Variants in DPPA4 observed in about 807,000 individuals in gnomAD.
The protein encoded by DPPA4 is developmental pluripotency associated 4.
DPPA4 carries 22 observed loss-of-function variants against 33.7 expected under a neutral mutation model. That is an observed-to-expected ratio of 0.65 (90% CI 0.47 to 0.93). The LOEUF (loss-of-function observed/expected upper bound fraction) is 0.93. DPPA4 is among the 40% of genes least tolerant of loss of function. The pLI is 0.00. For missense variants in DPPA4, 340 were observed against 358.6 expected, an observed-to-expected ratio of 0.95 and a Z score of 0.42; for synonymous variants, 156 against 132.3, an observed-to-expected ratio of 1.18 and a Z score of -1.23.
chr3:109,328,286 T>G (rs981837256), intron 6 of DPPA4, among the ~76,000 whole-genome samples: 1 of 152,118 alleles, frequency 6.6e-6, no homozygotes, highest in African/African-American at 2.4e-5. Context: ...CCTAAGTATG[T>G]CATTAAAGGA....
intron 1 of DPPA4, among the ~76,000 whole-genome samples, chr3:109,334,248 T>G (rs1358770755): frequency 6.6e-6 from 1 of 152,190 alleles, no homozygotes; most frequent in Non-Finnish European, 1.5e-5. Flanking sequence ...AGAAAACAGC[T>G]CTGCCTTGAG....
Position 109,331,904 on chromosome 3 carries a change from C to T in DPPA4, c.306G>A (p.Trp102Ter). 3 of 1,614,106 alleles carry T rather than the reference C, an allele frequency of 1.9e-6. No individual in the cohort carries two copies. Among genetic ancestry groups the T allele is most frequent in the South Asian group, 1.1e-5 (1 of 91,082 alleles). ...TGGAGCTCAGCTTCAATTGTTGGCA[C>T]CAGGCCCGCAGAATGTCCCGGTGAA... ...NLIHRDILRA[W>*]CQQLKLSSKG... The change falls in exon 3 of 7, where the codon TGG becomes TGA. Residue 102 changes from tryptophan to a stop codon, truncating the protein, a stop_gained. Transcript: ENST00000335658. LOFTEE classifies it high-confidence loss of function.
Position 109,327,942 on chromosome 3 carries a change from CT to C in DPPA4, c.*45del. ...AGCACCGCAGAATCCAACTCTCCAG[CT>C]TTTCTGCCATTAATTACCATAGATG... On this transcript the variant is annotated 3_prime_UTR_variant, in exon 7 of 7. Coordinates refer to ENST00000335658, the MANE Select transcript of DPPA4 (RefSeq NM_018189.4). 2 of 1,404,478 alleles carry C rather than the reference CT, an allele frequency of 1.4e-6. No homozygotes were observed. The highest frequency in any genetic ancestry group is 2.0e-6 in the Non-Finnish European group (2 of 993,298). The allele number at this position is 1,404,478 out of a possible 1,614,324, so 87.0% of individuals were successfully genotyped here.
intron 1 of DPPA4, among the ~76,000 whole-genome samples, chr3:109,335,157 ATATT>A (rs1708165691): frequency 1.3e-5 from 2 of 152,126 alleles, no homozygotes; most frequent in Non-Finnish European, 2.9e-5. Context: ...TTTTTAAAAA[ATATT>A]TATTTATTAA....
At chr3:109,333,592 T>C (rs1482854836) in intron 2 of DPPA4, 1 of 241,646 alleles carries the variant, frequency 4.1e-6, no homozygotes, top group African/African-American at 2.3e-5. Context: ...CCCAAATCAT[T>C]GCACACTGAA....
Position 109,328,921 on chromosome 3 carries a change from C to T in DPPA4, c.847G>A (p.Asp283Asn), listed in dbSNP as rs1707993542. 1.2e-6 allele frequency: 2 copies of T among 1,613,912 alleles called. No individual in the cohort carries two copies. The highest frequency in any genetic ancestry group is 1.7e-6 in the Non-Finnish European group (2 of 1,179,962). Residue 283 changes from aspartate (D) to asparagine (N), a missense_variant, in exon 6 of 7, where the codon GAC (aspartate) becomes AAC (asparagine). Coordinates refer to ENST00000335658, the MANE Select transcript of DPPA4 (RefSeq NM_018189.4). ...ASNFPPPHLE[D>N]NMLCPKCVHR... Reference sequence around the variant, plus strand: ...ACACATTTGGGGCACAACATATTGTCTTCAAGGTGCGGGGGTGGAAAATTG... The same window carrying T: ...ACACATTTGGGGCACAACATATTGTTTTCAAGGTGCGGGGGTGGAAAATTG...
Position 109,328,021 on chromosome 3 carries a change from G to A in DPPA4, c.882C>T (p.Asn294=), listed in dbSNP as rs1228263925. Residue 294 remains asparagine (N), a synonymous_variant, in exon 7 of 7, where the codon AAC becomes AAT. Coordinates refer to ENST00000335658, the MANE Select transcript of DPPA4 (RefSeq NM_018189.4). ...ATTGGAGGCTTTTTATTAAGACCTT[G>A]TTCCTATAAAGCAAATAAAGTATTT... is the stretch of plus-strand genomic sequence containing the variant. ...NMLCPKCVHR[N]KVLIKSLQWE The A allele has an allele frequency of 6.6e-7, 1 of 1,523,662 alleles. No homozygotes were observed. The highest frequency in any genetic ancestry group is 9.1e-7 in the Non-Finnish European group (1 of 1,098,974). The allele number at this position is 1,523,662 out of a possible 1,614,324, so 94.4% of individuals were successfully genotyped here.
chr3:109,336,129 G>A (rs1211708204), intron 1 of DPPA4, among the ~76,000 whole-genome samples: 1 of 151,432 alleles, frequency 6.6e-6, no homozygotes, highest in African/African-American at 2.4e-5. Context: ...ACCACTCTGG[G>A]CGACAGAGTC....
Position 109,330,810 on chromosome 3 carries a change from ATCCT to A in DPPA4, c.391-2_392del, listed in dbSNP as rs1166346936. 6.3e-7 allele frequency: 1 copy of A among 1,597,768 alleles called. No homozygotes were observed. The highest frequency in any genetic ancestry group is 1.8e-5 in the Admixed American group (1 of 56,102). On this transcript the variant is annotated splice_acceptor_variant and coding_sequence_variant, in exon 5 of 7. Coordinates refer to ENST00000335658, the MANE Select transcript of DPPA4 (RefSeq NM_018189.4). LOFTEE classifies it high-confidence loss of function. ...TGGCCTCTTTTGCTGTGCTAGGAAAATCCTACAAAAAGGGTTAAATAATAAAGAT... is the reference window on the plus strand; with the variant it reads ...TGGCCTCTTTTGCTGTGCTAGGAAAAACAAAAAGGGTTAAATAATAAAGAT...
At chr3:109,338,115 G>T (rs956655586), upstream of DPPA4, among the ~76,000 whole-genome samples, 6 of 148,328 alleles carry the variant, frequency 4.0e-5, no homozygotes, top group Admixed American at 6.7e-5. Context: ...GAGGGCAAGT[G>T]GGGGGGTCTG....
intron 1 of DPPA4, among the ~76,000 whole-genome samples, chr3:109,335,920 AG>A (rs1708185495): frequency 6.6e-6 from 1 of 151,566 alleles, no homozygotes; most frequent in South Asian, 2.1e-4. Flanking sequence ...TGGGAGGCCG[AG>A]GTGGGCTGAC....
upstream of DPPA4, among the ~76,000 whole-genome samples, chr3:109,339,065 C>T (rs549103215): frequency 1.1e-4 from 17 of 151,778 alleles, no homozygotes; most frequent in African/African-American, 3.9e-4. Context: ...ATGGTGCGTG[C>T]CTGTAATCCC....
At chr3:109,329,471 CTTGCAGTGAGCCAAGA>C (rs1363381188) in intron 5 of DPPA4, 2 of 192,546 alleles carry the variant, frequency 1.0e-5, no homozygotes, top group African/African-American at 4.6e-5. Flanking sequence ...GGAGGCGGTG[CTTGCAGTGAGCCAAGA>C]TTGCACCACT....
At chr3:109,331,695 T>C in intron 4 of DPPA4, 39 bp downstream of exon 4, 1 of 1,600,456 alleles carries the variant, frequency 6.2e-7, no homozygotes, top group Non-Finnish European at 8.6e-7. Flanking sequence ...AATAGGTAAT[T>C]AGGATAAGCA....
At chr3:109,329,833 G>A (rs1708021588) in intron 5 of DPPA4, 2 of 152,226 alleles carry the variant, frequency 1.3e-5, no homozygotes, top group Non-Finnish European at 2.9e-5. Context: ...GCCATTCTGG[G>A]GCTCAGTTGC....
chr3:109,335,638 C>T lies in DPPA4; in HGVS notation c.55-1645G>A, dbSNP rs549397285. Among the ~76,000 whole-genome samples, 7 of 151,908 alleles carry T rather than the reference C, an allele frequency of 4.6e-5. No homozygotes were observed. The South Asian group carries it at 1.3e-3, about 27-fold the overall frequency. On this transcript the variant is annotated intron_variant, in intron 1 of 6. Coordinates refer to ENST00000335658, the MANE Select transcript of DPPA4 (RefSeq NM_018189.4). ...GAGATGGGGGTTTCACCATGTTGGC[C>T]AGGCTGGTCTCAAACTCCTGGCCTC...
At chr3:109,330,475 A>G (rs1165286648) in intron 5 of DPPA4, 49 bp downstream of exon 5, 6 of 1,601,120 alleles carry the variant, frequency 3.7e-6, no homozygotes, top group Non-Finnish European at 5.1e-6. Context: ...AATATCTACT[A>G]AGCTTATTTC....
chr3:109,331,830 C>T (rs373678901), intron 3 of DPPA4, 41 bp downstream of exon 3: 548 of 1,613,432 alleles, frequency 3.4e-4, no homozygotes, highest in Non-Finnish European at 4.3e-4. Context: ...AAGGTTCCTA[C>T]CCTTCCTCCC....
Position 109,326,665 on chromosome 3 carries a change from T to C in DPPA4, c.*1323A>G, listed in dbSNP as rs1707941728. 1 of 152,188 alleles carries C rather than the reference T, an allele frequency of 6.6e-6. No individual in the cohort carries two copies. Among genetic ancestry groups the C allele is most frequent in the African/African-American group, 2.4e-5 (1 of 41,448 alleles). 9.4% of individuals were successfully genotyped at this position (152,188 alleles called of 1,614,324 possible). On this transcript the variant is annotated 3_prime_UTR_variant, in exon 7 of 7. Coordinates refer to ENST00000335658, the MANE Select transcript of DPPA4 (RefSeq NM_018189.4). ...AATCAGGATAAGTGAAAAACAGATCTGTTCCCAGACTCGCAGGACTATAAG... is the reference window on the plus strand; with the variant it reads ...AATCAGGATAAGTGAAAAACAGATCCGTTCCCAGACTCGCAGGACTATAAG...
Sources: gnomAD v4.1 joint callset for allele counts (sites outside exome capture counted in the v4.1 genomes callset) on GRCh38, gnomAD v4.1.1 for gene constraint, MANE v1.5 for transcripts, NCBI Gene and HGNC (gene_info 2026-07-23, HGNC 2026-07-21) for gene names.